Variants in XPO4 observed in about 807,000 individuals in gnomAD.
XPO4 encodes the protein exportin-4.
A neutral mutation model predicts 143.0 loss-of-function variants in XPO4; 39 were observed. That is an observed-to-expected ratio of 0.27 (90% CI 0.21 to 0.36). The LOEUF (loss-of-function observed/expected upper bound fraction) is 0.36. Among genes scored for constraint, XPO4 ranks in the 10% least tolerant of loss-of-function variants. XPO4 has a pLI of 1.00. For synonymous variants in XPO4, 439 were observed against 474.0 expected, an observed-to-expected ratio of 0.93 and a Z score of 0.96; for missense variants, 907 against 1,348.0, an observed-to-expected ratio of 0.67 and a Z score of 5.12.
chr13:20,860,814 T>G (rs559328488), intron 3 of XPO4, among the ~76,000 whole-genome samples: 13 of 152,248 alleles, frequency 8.5e-5, no homozygotes, highest in African/African-American at 3.1e-4. Context: ...AGAAAAAAAT[T>G]AGCCATGTCC....
intron 12 of XPO4, 42 bp from the exon 13 acceptor site, chr13:20,807,676 T>C: frequency 7.0e-7 from 1 of 1,434,940 alleles, no homozygotes; most frequent in Non-Finnish European, 9.3e-7. Context: ...TTAACAAATC[T>C]ACATTTATCA....
intron 1 of XPO4, among the ~76,000 whole-genome samples, chr13:20,896,924 G>C (rs1389773279): frequency 6.6e-6 from 1 of 152,154 alleles, no homozygotes; most frequent in Non-Finnish European, 1.5e-5. Flanking sequence ...TGCCTTTTAG[G>C]CATCTATGGA....
chr13:20,843,700 T>A (rs2060001046), intron 5 of XPO4, 70 bp downstream of exon 5: 2 of 1,083,206 alleles, frequency 1.8e-6, no homozygotes, highest in South Asian at 2.7e-5. Flanking sequence ...TATTCTCATG[T>A]CATTAGGAAT....
At chr13:20,841,866 G>C (rs2059977890) in intron 6 of XPO4, among the ~76,000 whole-genome samples, 1 of 150,500 alleles carries the variant, frequency 6.6e-6, no homozygotes, top group Admixed American at 6.7e-5. Context: ...TCTATTTCCT[G>C]TCTGCTTATC....
intron 2 of XPO4, among the ~76,000 whole-genome samples, chr13:20,867,493 T>TAA (rs1270873514): frequency 1.3e-5 from 2 of 152,312 alleles, no homozygotes; most frequent in African/African-American, 4.8e-5. Flanking sequence ...GCAAATCCAT[T>TAA]AAGGCAAATG....
intron 1 of XPO4, chr13:20,902,113 G>C: frequency 2.0e-6 from 2 of 985,372 alleles, no homozygotes; most frequent in Non-Finnish European, 2.4e-6. Context: ...TGGTCTCAAC[G>C]ATTCCCCTCC....
At chr13:20,809,367 A>G in intron 10 of XPO4, 142 bp from the exon 11 acceptor site, 1 of 998,946 alleles carries the variant, frequency 1.0e-6, no homozygotes, top group Non-Finnish European at 1.4e-6. Flanking sequence ...GAGCACAGCT[A>G]TCTAGGAACT....
At chr13:20,902,396 G>A (rs1054500636) in intron 1 of XPO4, 134 of 985,392 alleles carry the variant, frequency 1.4e-4, no homozygotes, top group Non-Finnish European at 1.4e-4. Flanking sequence ...AGGGTGTAAG[G>A]TGAAGAAATT....
chr13:20,856,735 G>A, intron 3 of XPO4: 1 of 666,798 alleles, frequency 1.5e-6, no homozygotes, highest in Non-Finnish European at 1.9e-6. Context: ...CTTGACTTCT[G>A]CCCTTCCACA....
chr13:20,834,490 T>C, intron 6 of XPO4, among the ~76,000 whole-genome samples: 1 of 151,776 alleles, frequency 6.6e-6, no homozygotes, highest in East Asian at 1.9e-4. Context: ...AGAGGATAGC[T>C]TGAGCCCAAG....
chr13:20,858,671 A>AC (rs1256762753), intron 3 of XPO4, among the ~76,000 whole-genome samples: 4 of 152,160 alleles, frequency 2.6e-5, no homozygotes, highest in Admixed American at 2.6e-4. Context: ...TGAGTTCGAG[A>AC]CCAGCCTGGC....
At chr13:20,844,178 A>C (rs1195774812) in intron 4 of XPO4, among the ~76,000 whole-genome samples, 2 of 152,196 alleles carry the variant, frequency 1.3e-5, no homozygotes, top group Non-Finnish European at 2.9e-5. Flanking sequence ...AATTCAAATG[A>C]TATTTAAAAA....
At chr13:20,881,906 G>A (rs1387498288) in intron 1 of XPO4, among the ~76,000 whole-genome samples, 4 of 151,944 alleles carry the variant, frequency 2.6e-5, no homozygotes, top group Admixed American at 2.6e-4. Flanking sequence ...TCAGGAGTTT[G>A]AGACCAGTCT....
At chr13:20,810,406 A>G (rs1299326422) in intron 9 of XPO4, among the ~76,000 whole-genome samples, 1 of 152,222 alleles carries the variant, frequency 6.6e-6, no homozygotes, top group Non-Finnish European at 1.5e-5. Flanking sequence ...AATAAAAAAG[A>G]ACAGCAAATT....
At chr13:20,823,999 C>T (rs903043523) in intron 7 of XPO4, among the ~76,000 whole-genome samples, 10 of 152,294 alleles carry the variant, frequency 6.6e-5, no homozygotes, top group Admixed American at 4.6e-4. Context: ...GGAACACCGC[C>T]GTGCTTATTT....
chr13:20,826,979 C>T, intron 7 of XPO4, 88 bp downstream of exon 7: 1 of 850,850 alleles, frequency 1.2e-6, no homozygotes, highest in Non-Finnish European at 2.0e-6. Context: ...GGGAGAAAAG[C>T]AATCTGTTCT....
At chr13:20,786,653 C>T (rs2059210295) in intron 22 of XPO4, among the ~76,000 whole-genome samples, 1 of 152,172 alleles carries the variant, frequency 6.6e-6, no homozygotes, top group South Asian at 2.1e-4. Context: ...TCTTCACACA[C>T]CCATTATGTA....
chr13:20,853,749 G>A (rs555380073), intron 4 of XPO4, among the ~76,000 whole-genome samples: 2 of 152,210 alleles, frequency 1.3e-5, no homozygotes, highest in South Asian at 2.1e-4. Context: ...ACTATGTGTG[G>A]CTATTTGAAT....
At chr13:20,890,798 CA>C (rs60214499) in intron 1 of XPO4, among the ~76,000 whole-genome samples, 34,685 of 92,914 alleles carry the variant, frequency 0.37, 5,186 homozygotes, top group Middle Eastern at 0.48. Flanking sequence ...GACCCTGCCT[CA>C]AAAAAAAAAA....
Sources: gnomAD v4.1 joint callset for allele counts (sites outside exome capture counted in the v4.1 genomes callset) on GRCh38, gnomAD v4.1.1 for gene constraint, MANE v1.5 for transcripts, NCBI Gene and HGNC (gene_info 2026-07-23, HGNC 2026-07-21) for gene names.